C12orf42: variants seen among roughly 807,000 people sequenced by gnomAD.
C12orf42 encodes uncharacterized protein C12orf42.
A neutral mutation model predicts 21.6 loss-of-function variants in C12orf42; 25 were observed. The observed-to-expected ratio is 1.16, with a 90% CI of 0.84 to 1.62. The LOEUF (loss-of-function observed/expected upper bound fraction) is 1.62, where lower values mean the gene tolerates loss of function less well. Among genes scored for constraint, C12orf42 ranks in the 40% most tolerant of loss-of-function variants. The pLI is 0.00. For synonymous variants in C12orf42, 174 were observed against 175.0 expected, an observed-to-expected ratio of 0.99 and a Z score of 0.05; for missense variants, 483 against 459.3, an observed-to-expected ratio of 1.05 and a Z score of -0.47.
At chr12:103,473,572 A>G (rs900655399) in intron 2 of C12orf42, among the ~76,000 whole-genome samples, 2 of 152,330 alleles carry the variant, frequency 1.3e-5, no homozygotes, top group Middle Eastern at 3.4e-3. Context: ...TCACAGTCCA[A>G]TGCTCTTTCC....
intron 2 of C12orf42, chr12:103,471,907 CAG>C (rs1171968162): frequency 7.2e-5 from 11 of 152,256 alleles, no homozygotes; most frequent in African/African-American, 2.6e-4. Flanking sequence ...GATCACAACA[CAG>C]AGACTTTAAA....
At chr12:103,346,592 T>G (rs1173479992) in intron 4 of C12orf42, among the ~76,000 whole-genome samples, 3 of 152,170 alleles carry the variant, frequency 2.0e-5, no homozygotes, top group African/African-American at 7.2e-5. Flanking sequence ...GTAGATGTAA[T>G]TAGCAGAGAA....
At chr12:103,476,057 G>A (rs192856719) in intron 2 of C12orf42, among the ~76,000 whole-genome samples, 35 of 152,318 alleles carry the variant, frequency 2.3e-4, no homozygotes, top group African/African-American at 7.9e-4. Context: ...AATACAGAGT[G>A]TGCATTTCCT....
chr12:103,529,652 G>A, the C12orf42 span, among the ~76,000 whole-genome samples: 1 of 152,194 alleles, frequency 6.6e-6, no homozygotes, highest in Non-Finnish European at 1.5e-5. Flanking sequence ...TCTCTGGAGT[G>A]TGTTACAGGG....
chr12:103,070,190 T>C, the C12orf42 span, among the ~76,000 whole-genome samples: 8 of 152,306 alleles, frequency 5.3e-5, no homozygotes, highest in East Asian at 1.3e-3. Context: ...AACTCCAGAA[T>C]GTCCAGCTCA....
the C12orf42 span, among the ~76,000 whole-genome samples, chr12:103,084,145 C>A: frequency 3.3e-5 from 5 of 152,200 alleles, no homozygotes; most frequent in African/African-American, 1.2e-4. Flanking sequence ...GGGACATGGC[C>A]TTGTTGACTA....
At chr12:103,243,414 T>C (rs1329741875) in intron 10 of C12orf42, among the ~76,000 whole-genome samples, 1 of 152,098 alleles carries the variant, frequency 6.6e-6, no homozygotes, top group Admixed American at 6.6e-5. Flanking sequence ...TCCCATGCTA[T>C]ATATGCCCCA....
At chr12:103,484,613 G>T (rs768849327) in intron 1 of C12orf42, among the ~76,000 whole-genome samples, 2 of 152,084 alleles carry the variant, frequency 1.3e-5, no homozygotes, top group South Asian at 4.1e-4. Context: ...TAGGTTACCT[G>T]TTCACTCTGA....
the C12orf42 span, among the ~76,000 whole-genome samples, chr12:103,176,677 C>A: frequency 6.6e-6 from 1 of 152,168 alleles, no homozygotes; most frequent in Non-Finnish European, 1.5e-5. Flanking sequence ...TGAAGATAGT[C>A]ATGGCAGGAC....
chr12:103,075,617 G>A, the C12orf42 span, among the ~76,000 whole-genome samples: 1 of 152,090 alleles, frequency 6.6e-6, no homozygotes, highest in Admixed American at 6.6e-5. Flanking sequence ...CATTTCATGA[G>A]TCCCCTACTA....
At chr12:103,410,066 CAGAATACATCTTAA>C (rs1427986432) in intron 2 of C12orf42, among the ~76,000 whole-genome samples, 4 of 152,232 alleles carry the variant, frequency 2.6e-5, no homozygotes, top group Admixed American at 2.6e-4. Flanking sequence ...ATCTGGGGCC[CAGAATACATCTTAA>C]AGATCATTTA....
At chr12:103,327,462 A>C (rs898750733) in intron 4 of C12orf42, among the ~76,000 whole-genome samples, 5 of 152,314 alleles carry the variant, frequency 3.3e-5, no homozygotes, top group East Asian at 1.9e-4. Flanking sequence ...TCTGTGGACC[A>C]CACTTGGAGA....
At chr12:103,152,014 C>T in the C12orf42 span, 1 of 152,100 alleles carries the variant, frequency 6.6e-6, no homozygotes, top group Non-Finnish European at 1.5e-5. Context: ...TTGCTGGCTT[C>T]AAAAATGGAA....
chr12:103,459,551 A>C (rs1004816418), intron 2 of C12orf42, among the ~76,000 whole-genome samples: 1 of 152,306 alleles, frequency 6.6e-6, no homozygotes, highest in African/African-American at 2.4e-5. Context: ...AGGCCTTACC[A>C]GAAGCAGATG....
intron 4 of C12orf42, among the ~76,000 whole-genome samples, chr12:103,287,563 G>A (rs1055555510): frequency 2.6e-5 from 4 of 152,070 alleles, no homozygotes; most frequent in African/African-American, 9.7e-5. Context: ...TGTGGGGTGG[G>A]GAGAGGGGGA....
At chr12:103,527,341 T>C in the C12orf42 span, among the ~76,000 whole-genome samples, 1 of 152,052 alleles carries the variant, frequency 6.6e-6, no homozygotes, top group Admixed American at 6.6e-5. Flanking sequence ...ATCTTGTCAT[T>C]TGTCCCCTCC....
chr12:103,190,396 C>T, the C12orf42 span, among the ~76,000 whole-genome samples: 1 of 151,806 alleles, frequency 6.6e-6, no homozygotes, highest in Admixed American at 6.6e-5. Flanking sequence ...TCAAATAAGC[C>T]CCTCACAACA....
chr12:103,464,308 AT>A (rs1463727811), intron 2 of C12orf42, among the ~76,000 whole-genome samples: 6 of 151,976 alleles, frequency 3.9e-5, no homozygotes, highest in Non-Finnish European at 5.9e-5. Context: ...TTTGACCTGC[AT>A]TTCTGTAATG....
intron 4 of C12orf42, among the ~76,000 whole-genome samples, chr12:103,294,428 G>GAGAAAGAAAGAAAGAA (rs58968326): frequency 0.021 from 2,050 of 95,992 alleles, 33 homozygotes; most frequent in African/African-American, 0.024. Context: ...AAAGGAGAGA[G>GAGAAAGAAAGAAAGAA]AGAAAGAAAG....
Sources: gnomAD v4.1 joint callset for allele counts (sites outside exome capture counted in the v4.1 genomes callset) on GRCh38, gnomAD v4.1.1 for gene constraint, MANE v1.5 for transcripts, NCBI Gene and HGNC (gene_info 2026-07-23, HGNC 2026-07-21) for gene names.